C8orf34: variants seen among roughly 807,000 people sequenced by gnomAD.
C8orf34 encodes the protein uncharacterized protein C8orf34.
In C8orf34, 65 loss-of-function variants were observed where a neutral mutation model predicts 68.3. The ratio of observed to expected loss-of-function variants is 0.95; its 90% confidence interval spans 0.78 to 1.17. C8orf34 has a LOEUF of 1.17. Ranked by LOEUF, C8orf34 falls within the 50% of genes most tolerant of loss-of-function variation. The pLI is 0.00. For missense variants in C8orf34, 664 were observed against 655.4 expected (o/e 1.01, Z -0.14); for synonymous variants, 244 against 241.2 (o/e 1.01, Z -0.11).
intron 8 of C8orf34, among the ~76,000 whole-genome samples, chr8:68,684,755 A>T (rs757668717): frequency 3.3e-5 from 5 of 152,030 alleles, no homozygotes; most frequent in Non-Finnish European, 4.4e-5. Context: ...TTCTGGAAGA[A>T]TTTTAGAAAA....
intron 12 of C8orf34, chr8:68,790,792 C>T (rs1245418808): frequency 2.9e-6 from 2 of 688,974 alleles, no homozygotes; most frequent in African/African-American, 1.8e-5. Flanking sequence ...GTTTAACACT[C>T]ATATTCTGGG....
chr8:68,415,821 C>T (rs1482077418), intron 1 of C8orf34, among the ~76,000 whole-genome samples: 1 of 152,126 alleles, frequency 6.6e-6, no homozygotes, highest in African/African-American at 2.4e-5. Flanking sequence ...CAAGTCTGCC[C>T]CAAATGGCTT....
intron 10 of C8orf34, among the ~76,000 whole-genome samples, chr8:68,769,616 T>C (rs1027747620): frequency 6.6e-5 from 10 of 152,182 alleles, no homozygotes; most frequent in African/African-American, 2.4e-4. Context: ...TCAGCAACAA[T>C]ATCTATTCAC....
intron 1 of C8orf34, 115 bp downstream of exon 1, chr8:68,331,454 G>A: frequency 8.4e-7 from 1 of 1,186,788 alleles, no homozygotes; most frequent in Non-Finnish European, 1.2e-6. Context: ...GAGAACCAAC[G>A]CGCGGGAGAG....
chr8:68,577,783 T>C (rs377137732), intron 7 of C8orf34, among the ~76,000 whole-genome samples: 190 of 152,062 alleles, frequency 1.2e-3, no homozygotes, highest in African/African-American at 4.5e-3. Flanking sequence ...ATAAACGTGG[T>C]ATACAATATG....
intron 5 of C8orf34, among the ~76,000 whole-genome samples, chr8:68,500,504 C>T (rs1311498219): frequency 2.0e-5 from 3 of 152,134 alleles, no homozygotes; most frequent in Admixed American, 1.3e-4. Flanking sequence ...TATTATTATA[C>T]TTTGACCATA....
chr8:68,754,766 C>T (rs920548305), intron 10 of C8orf34, among the ~76,000 whole-genome samples: 11 of 152,082 alleles, frequency 7.2e-5, no homozygotes, highest in East Asian at 1.9e-4. Context: ...TTACCAGTCA[C>T]GGAAAAAGTA....
intron 8 of C8orf34, among the ~76,000 whole-genome samples, chr8:68,694,462 A>G (rs1250603123): frequency 2.6e-5 from 4 of 152,100 alleles, no homozygotes; most frequent in Non-Finnish European, 5.9e-5. Context: ...TCCAGAATAT[A>G]AATTATGAAG....
At chr8:68,427,596 G>T (rs1232256534) in intron 1 of C8orf34, among the ~76,000 whole-genome samples, 1 of 152,002 alleles carries the variant, frequency 6.6e-6, no homozygotes, top group Non-Finnish European at 1.5e-5. Context: ...GTCTTTGGAT[G>T]ATAGTACAAT....
At chr8:68,722,624 A>G (rs915019220) in intron 10 of C8orf34, among the ~76,000 whole-genome samples, 1 of 151,994 alleles carries the variant, frequency 6.6e-6, no homozygotes, top group African/African-American at 2.4e-5. Context: ...TTTATACAGT[A>G]CTTATGATTT....
intron 7 of C8orf34, among the ~76,000 whole-genome samples, chr8:68,583,849 C>T (rs563803701): frequency 4.6e-5 from 7 of 152,098 alleles, no homozygotes; most frequent in East Asian, 1.9e-4. Context: ...TTAAAATAGA[C>T]GTCATGGGAC....
intron 10 of C8orf34, among the ~76,000 whole-genome samples, chr8:68,731,790 A>G (rs1821986083): frequency 6.6e-6 from 1 of 152,226 alleles, no homozygotes; most frequent in South Asian, 2.1e-4. Context: ...TAAAAGTTTA[A>G]GACTTTAATT....
At chr8:68,657,468 T>A (rs2130798371) in intron 8 of C8orf34, among the ~76,000 whole-genome samples, 1 of 152,248 alleles carries the variant, frequency 6.6e-6, no homozygotes, top group Admixed American at 6.5e-5. Flanking sequence ...ACACCAAATC[T>A]GCTGCCACCT....
At chr8:68,579,837 C>T (rs185765078) in intron 7 of C8orf34, among the ~76,000 whole-genome samples, 3 of 152,110 alleles carry the variant, frequency 2.0e-5, no homozygotes, top group African/African-American at 4.8e-5. Flanking sequence ...TAACAGTCAT[C>T]GTTAAATGAG....
At chr8:68,612,382 A>G (rs1016929265) in intron 7 of C8orf34, among the ~76,000 whole-genome samples, 1 of 152,174 alleles carries the variant, frequency 6.6e-6, no homozygotes, top group Non-Finnish European at 1.5e-5. Context: ...AAGGGTAAAC[A>G]GAATTTGAAT....
intron 1 of C8orf34, among the ~76,000 whole-genome samples, chr8:68,357,745 C>T (rs962979221): frequency 1.3e-5 from 2 of 152,134 alleles, no homozygotes; most frequent in African/African-American, 4.8e-5. Context: ...ATTAAAATGG[C>T]AGTTTTGTCT....
intron 8 of C8orf34, among the ~76,000 whole-genome samples, chr8:68,654,022 T>C (rs1819440677): frequency 6.6e-6 from 1 of 152,298 alleles, no homozygotes; most frequent in African/African-American, 2.4e-5. Flanking sequence ...TATAATTTTG[T>C]TTGGGTTAAA....
chr8:68,353,639 A>T (rs56794338), intron 1 of C8orf34, among the ~76,000 whole-genome samples: 29,455 of 71,062 alleles, frequency 0.41, 4,273 homozygotes, highest in African/African-American at 0.6. Flanking sequence ...TATATATATT[A>T]TATATATATA....
At chr8:68,549,522 A>G (rs958675661) in intron 7 of C8orf34, among the ~76,000 whole-genome samples, 7 of 151,872 alleles carry the variant, frequency 4.6e-5, no homozygotes, top group Middle Eastern at 6.8e-3. Context: ...AACTCATAAT[A>G]TTATACACTT....
Sources: allele counts gnomAD v4.1 joint callset (sites outside exome capture counted in the v4.1 genomes callset), GRCh38; gene constraint gnomAD v4.1.1; transcripts MANE v1.5; gene names NCBI Gene and HGNC (gene_info 2026-07-23, HGNC 2026-07-21).